Variants in ANKRD6 observed in about 807,000 individuals in gnomAD.
ANKRD6 encodes ankyrin repeat domain 6, also known as ankyrin repeat domain-containing protein 6.
ANKRD6 carries 56 observed loss-of-function variants against 82.3 expected under a neutral mutation model. That is an observed-to-expected ratio of 0.68 (90% CI 0.55 to 0.85). ANKRD6 has a LOEUF of 0.85. Ranked by LOEUF, ANKRD6 falls within the 40% of genes least tolerant of loss-of-function variation. ANKRD6 has a pLI of 0.00. For missense variants in ANKRD6, 852 were observed against 907.6 expected, an observed-to-expected ratio of 0.94 and a Z score of 0.79; for synonymous variants, 347 against 352.1, an observed-to-expected ratio of 0.99 and a Z score of 0.16.
chr6:89,614,821 A>T (rs780563983), intron 7 of ANKRD6, among the ~76,000 whole-genome samples: 50 of 131,720 alleles, frequency 3.8e-4, no homozygotes, highest in Non-Finnish European at 5.2e-4. Context: ...ACAGAATGAG[A>T]CCCCGTCTCT....
At chr6:89,536,936 C>T (rs1031602101) in intron 1 of ANKRD6, among the ~76,000 whole-genome samples, 7 of 152,026 alleles carry the variant, frequency 4.6e-5, no homozygotes, top group Non-Finnish European at 8.8e-5. Context: ...GTAAACCTCC[C>T]GAGGGGTCCT....
intron 2 of ANKRD6, among the ~76,000 whole-genome samples, chr6:89,568,956 T>C (rs1789168299): frequency 6.6e-6 from 1 of 150,632 alleles, no homozygotes; most frequent in Non-Finnish European, 1.5e-5. Context: ...TTTTAGACAG[T>C]GTGTCCGTCT....
At chr6:89,621,849 G>C (rs768583045) in intron 9 of ANKRD6, 73 bp from the exon 10 acceptor site, 2 of 1,451,688 alleles carry the variant, frequency 1.4e-6, no homozygotes, top group Non-Finnish European at 1.9e-6. Context: ...CAGAGCCCCA[G>C]GTCCAAGGAG....
In ANKRD6 at chr6:89,618,269, C is replaced by T. The variant is rs543608885; in HGVS notation, c.792+238C>T. On this transcript the variant is annotated intron_variant, in intron 9 of 15. Coordinates refer to ENST00000339746, the MANE Select transcript of ANKRD6 (RefSeq NM_001242809.2). ...TCTCCCTGTGGCTGGATCTTTGTCACGGCCAGCTGCCTAGGTCATAGTTTC... is the reference window on the plus strand; with the variant it reads ...TCTCCCTGTGGCTGGATCTTTGTCATGGCCAGCTGCCTAGGTCATAGTTTC... 1.9e-4 allele frequency: 125 copies of T among 667,940 alleles called. 2 individuals carry two copies. The highest frequency in any genetic ancestry group is 1.3e-3 in the South Asian group (80 of 60,276). The allele number at this position is 667,940 out of a possible 1,614,324, so 41.4% of individuals were successfully genotyped here.
chr6:89,445,717 T>C lies in ANKRD6; in HGVS notation c.-144+12342T>C, dbSNP rs1048614730. Among the ~76,000 whole-genome samples the C allele has an allele frequency of 8.5e-5, 13 of 152,048 alleles. 1 individual carries two copies. Among genetic ancestry groups the C allele is most frequent in the African/African-American group, 3.1e-4 (13 of 41,418 alleles). On this transcript the variant is annotated intron_variant, in intron 1 of 15. Coordinates refer to ENST00000339746, the MANE Select transcript of ANKRD6 (RefSeq NM_001242809.2). ...CCTCGGCCTCCCAAAGTGCTGGGTT[T>C]ACAGGCGTAAGCCACTGCGCCTGGC...
intron 1 of ANKRD6, among the ~76,000 whole-genome samples, chr6:89,453,556 CT>C (rs1420214766): frequency 5.9e-5 from 9 of 151,742 alleles, no homozygotes; most frequent in African/African-American, 2.2e-4. Flanking sequence ...ATACTTTGTG[CT>C]TTCAATGTTG....
chr6:89,493,970 A>G (rs570135151), intron 1 of ANKRD6, among the ~76,000 whole-genome samples: 2 of 152,336 alleles, frequency 1.3e-5, no homozygotes, highest in South Asian at 4.1e-4. Flanking sequence ...TTAAAATGGT[A>G]AAGGAGACTT....
At chr6:89,627,015 T>G (rs1805907531) in intron 13 of ANKRD6, among the ~76,000 whole-genome samples, 1 of 152,206 alleles carries the variant, frequency 6.6e-6, no homozygotes, top group African/African-American at 2.4e-5. Flanking sequence ...GAGATGTAGT[T>G]TTTTCTTACA....
chr6:89,476,272 G>A (rs373409864), intron 1 of ANKRD6, among the ~76,000 whole-genome samples: 2 of 151,880 alleles, frequency 1.3e-5, no homozygotes, highest in Admixed American at 6.6e-5. Context: ...TGCAACCTCC[G>A]CCTCCTGGGT....
chr6:89,444,984 T>C (rs1193639267), intron 1 of ANKRD6, among the ~76,000 whole-genome samples: 8 of 152,078 alleles, frequency 5.3e-5, no homozygotes, highest in African/African-American at 1.9e-4. Flanking sequence ...AAAAAATCTA[T>C]GTAAGACTAT....
intron 5 of ANKRD6, among the ~76,000 whole-genome samples, chr6:89,607,655 C>CTTTT (rs10598205): frequency 6.6e-5 from 9 of 135,852 alleles, no homozygotes; most frequent in Non-Finnish European, 1.2e-4. Context: ...GGAGAAGAGA[C>CTTTT]TTTTTTTTTT....
intron 1 of ANKRD6, among the ~76,000 whole-genome samples, chr6:89,533,470 T>C (rs1466323923): frequency 6.6e-6 from 1 of 152,132 alleles, no homozygotes; most frequent in Admixed American, 6.6e-5. Flanking sequence ...AGTCACACCA[T>C]AGGAGCCATT....
At chr6:89,500,189 T>C (rs982642930) in intron 1 of ANKRD6, among the ~76,000 whole-genome samples, 2 of 152,152 alleles carry the variant, frequency 1.3e-5, no homozygotes, top group Non-Finnish European at 2.9e-5. Context: ...AGACAGCTTC[T>C]GGTCACTTGA....
chr6:89,607,382 C>T (rs1376976333), intron 5 of ANKRD6, among the ~76,000 whole-genome samples: 1 of 152,042 alleles, frequency 6.6e-6, no homozygotes, highest in African/African-American at 2.4e-5. Flanking sequence ...TTCATTCATA[C>T]AGTGGAATAT....
At chr6:89,490,500 T>C (rs6914963) in intron 1 of ANKRD6, among the ~76,000 whole-genome samples, 9,072 of 152,286 alleles carry the variant, frequency 0.06, 293 homozygotes, top group South Asian at 0.13. Flanking sequence ...TGGTGAGGTG[T>C]GGGGGATACA....
At chr6:89,490,443 C>T (rs771616304) in intron 1 of ANKRD6, among the ~76,000 whole-genome samples, 35 of 152,294 alleles carry the variant, frequency 2.3e-4, no homozygotes, top group Non-Finnish European at 3.7e-4. Context: ...TTCTTTTATT[C>T]GACAAATATC....
In ANKRD6 at chr6:89,448,001, C is replaced by T. The variant is rs1177624901; in HGVS notation, c.-144+14626C>T. ...TGCACCCAGCTCCATTTAGGACTTT[C>T]ATAGCTAGAAAAGACAAGACAATGC... On this transcript the variant is annotated intron_variant, in intron 1 of 15. Coordinates refer to ENST00000339746, the MANE Select transcript of ANKRD6 (RefSeq NM_001242809.2). Among the ~76,000 whole-genome samples, 4 of 151,636 alleles carry T rather than the reference C, an allele frequency of 2.6e-5. No individual in the cohort carries two copies. The East Asian group carries it at 7.8e-4, about 30-fold the overall frequency.
chr6:89,554,394 G>C (rs2128038496), intron 1 of ANKRD6, among the ~76,000 whole-genome samples: 1 of 151,274 alleles, frequency 6.6e-6, no homozygotes, highest in South Asian at 2.1e-4. Context: ...AAGGACACAT[G>C]TGACTACCCA....
At chr6:89,447,930 G>A (rs1024989092) in intron 1 of ANKRD6, among the ~76,000 whole-genome samples, 4 of 148,374 alleles carry the variant, frequency 2.7e-5, no homozygotes, top group African/African-American at 1.0e-4. Context: ...CAAGTGATCC[G>A]CCTGCCTCGG....
Sources: allele counts gnomAD v4.1 joint callset (sites outside exome capture counted in the v4.1 genomes callset), GRCh38; gene constraint gnomAD v4.1.1; transcripts MANE v1.5; gene names NCBI Gene and HGNC (gene_info 2026-07-23, HGNC 2026-07-21).